The following VPS26A variants were observed in gnomAD, a reference collection of about 807,000 sequenced individuals.
VPS26A encodes the protein VPS26 retromer complex component A.
A neutral mutation model predicts 42.4 loss-of-function variants in VPS26A; 22 were observed. The ratio of observed to expected loss-of-function variants is 0.52; its 90% CI spans 0.37 to 0.74. VPS26A has a LOEUF of 0.74. Ranked by LOEUF, VPS26A falls within the 30% of genes least tolerant of loss-of-function variation. The pLI is 0.00. For missense variants in VPS26A, 276 were observed against 379.2 expected (o/e 0.73, Z 2.26); for synonymous variants, 110 against 123.5 (o/e 0.89, Z 0.73).
intron 2 of VPS26A, among the ~76,000 whole-genome samples, chr10:69,151,313 G>A (rs1258999909): frequency 4.7e-5 from 7 of 148,690 alleles, no homozygotes; most frequent in African/African-American, 1.8e-4. Flanking sequence ...AGCCGGGTGT[G>A]TGGTGGCAGT....
rs143151909 is a variant in VPS26A, at chr10:69,130,832, A to G, written c.4-2066A>G. ...GCCTCTTTCACTCAACATTATGTGT[A>G]TGAGATTCATTCTTGTGTGTAGTTG... On this transcript the variant is annotated intron_variant, in intron 1 of 8. Transcript: ENST00000263559. Among the ~76,000 whole-genome samples the G allele has an allele frequency of 4.0e-4, 61 of 152,300 alleles. No homozygotes were observed. In the East Asian group the frequency reaches 0.011, roughly 27 times the overall value.
At chr10:69,164,752 C>A (rs1841647387) in intron 6 of VPS26A, among the ~76,000 whole-genome samples, 1 of 152,050 alleles carries the variant, frequency 6.6e-6, no homozygotes, top group Admixed American at 6.5e-5. Context: ...GATTTTGTTT[C>A]ATTTTTAAAA....
chr10:69,151,271 A>AAAAAAAAAAAACAAC (rs1172174105), intron 2 of VPS26A, among the ~76,000 whole-genome samples: 12 of 67,000 alleles, frequency 1.8e-4, no homozygotes, highest in African/African-American at 5.8e-4. Flanking sequence ...TGTCAAAAAA[A>AAAAAAAAAAAACAAC]AAAAAAAAAA....
chr10:69,135,997 G>A (rs995075216), intron 2 of VPS26A, among the ~76,000 whole-genome samples: 3 of 151,924 alleles, frequency 2.0e-5, no homozygotes, highest in Non-Finnish European at 2.9e-5. Context: ...AATTTGGTAC[G>A]GTTTTTAAAT....
chr10:69,170,100 C>T (rs967153594), intron 8 of VPS26A: 1 of 152,114 alleles, frequency 6.6e-6, no homozygotes, highest in African/African-American at 2.4e-5. Flanking sequence ...TTACCCTGTC[C>T]TAAGTACTGT....
intron 2 of VPS26A, chr10:69,133,596 G>A (rs577114390): frequency 3.4e-4 from 432 of 1,289,390 alleles, no homozygotes; most frequent in Non-Finnish European, 4.2e-4. Flanking sequence ...TGTTTATGAC[G>A]CCTTCTATAA....
rs548554636 is a variant in VPS26A, at chr10:69,133,823, A to G, written c.153+776A>G. On this transcript the variant is annotated intron_variant, in intron 2 of 8. Transcript: ENST00000263559. ...CACCTCATCCTCTCTGGTAGCTGGG[A>G]CTACAGGCACACACCACCACTTCAG... Among the ~76,000 whole-genome samples, 87 of 152,160 alleles carry G rather than the reference A, an allele frequency of 5.7e-4. No homozygotes were observed. In the Middle Eastern group the frequency reaches 0.014, roughly 24 times the overall value.
chr10:69,133,153 G>A, intron 2 of VPS26A, 106 bp downstream of exon 2: 1 of 1,178,746 alleles, frequency 8.5e-7, no homozygotes, highest in Non-Finnish European at 1.2e-6. Context: ...GAGGGAGAGA[G>A]ATTTTTTTTT....
At chr10:69,128,861 T>C (rs1316570289) in intron 1 of VPS26A, among the ~76,000 whole-genome samples, 1 of 151,862 alleles carries the variant, frequency 6.6e-6, no homozygotes, top group Non-Finnish European at 1.5e-5. Flanking sequence ...CCAGGTGTTG[T>C]GGCTCACGCC....
chr10:69,124,307 G>T (rs531402462), intron 1 of VPS26A, 27 bp downstream of exon 1: 2 of 1,245,838 alleles, frequency 1.6e-6, no homozygotes, highest in Non-Finnish European at 2.0e-6. Flanking sequence ...CAGCGCGCTC[G>T]CCTCCCGCCC....
At chr10:69,134,301 T>A (rs1381883973) in intron 2 of VPS26A, among the ~76,000 whole-genome samples, 2 of 152,228 alleles carry the variant, frequency 1.3e-5, no homozygotes, top group African/African-American at 4.8e-5. Flanking sequence ...TTGTTTGATA[T>A]TTAAGCAGTT....
Position 69,173,436 on chromosome 10 carries a change from C to T in VPS26A, c.*2167C>T, listed in dbSNP as rs902603718. On this transcript the variant is annotated 3_prime_UTR_variant, in exon 9 of 9. Coordinates refer to ENST00000263559, the MANE Select transcript of VPS26A (RefSeq NM_004896.5). ...TGGAATTCGAGACCAGCCTGGCCAA[C>T]AAAAATGAGACCCTATCTCTACAAA... Among the ~76,000 whole-genome samples, 3 of 152,140 alleles carry T rather than the reference C, an allele frequency of 2.0e-5. No homozygotes were observed. The highest frequency in any genetic ancestry group is 2.9e-5 in the Non-Finnish European group (2 of 68,032).
At chr10:69,126,484 T>C (rs1461552259) in intron 1 of VPS26A, among the ~76,000 whole-genome samples, 1 of 150,860 alleles carries the variant, frequency 6.6e-6, no homozygotes, top group Admixed American at 6.6e-5. Context: ...GGAGAATCAA[T>C]TGAACCCGGG....
At chr10:69,133,923 G>A (rs1840848894) in intron 2 of VPS26A, among the ~76,000 whole-genome samples, 1 of 152,076 alleles carries the variant, frequency 6.6e-6, no homozygotes. Context: ...CTGGGCTCAA[G>A]CAACCCACCC....
chr10:69,173,738 G>A lies in VPS26A; in HGVS notation c.*2469G>A, dbSNP rs983223481. Among the ~76,000 whole-genome samples the A allele has an allele frequency of 2.6e-5, 4 of 152,122 alleles. No individual in the cohort carries two copies. The highest frequency in any genetic ancestry group is 9.7e-5 in the African/African-American group (4 of 41,430). ...AATCAGGCTGGGCACAGTGGCTCACGCCTGTAATCCCAGCACTTTGGGAGG... is the reference window on the plus strand; with the variant it reads ...AATCAGGCTGGGCACAGTGGCTCACACCTGTAATCCCAGCACTTTGGGAGG... On this transcript the variant is annotated 3_prime_UTR_variant, in exon 9 of 9. Coordinates refer to ENST00000263559, the MANE Select transcript of VPS26A (RefSeq NM_004896.5).
chr10:69,139,276 AT>A (rs772002654), intron 2 of VPS26A, among the ~76,000 whole-genome samples: 2 of 151,784 alleles, frequency 1.3e-5, no homozygotes, highest in African/African-American at 4.8e-5. Context: ...CTTGGCTTAC[AT>A]TTTTTTGAGT....
intron 2 of VPS26A, among the ~76,000 whole-genome samples, chr10:69,143,063 T>C (rs987084769): frequency 2.6e-5 from 4 of 152,148 alleles, no homozygotes; most frequent in Non-Finnish European, 4.4e-5. Flanking sequence ...GATTATTAAA[T>C]AGGTGATCAG....
intron 2 of VPS26A, among the ~76,000 whole-genome samples, chr10:69,133,317 T>C (rs538872720): frequency 2.0e-5 from 3 of 151,790 alleles, no homozygotes; most frequent in African/African-American, 7.3e-5. Flanking sequence ...AAAAAAAAAA[T>C]ATTTTTTTTT....
chr10:69,168,432 G>C (rs1229428750), intron 7 of VPS26A, 57 bp from the exon 8 acceptor site: 3 of 1,566,300 alleles, frequency 1.9e-6, no homozygotes, highest in Non-Finnish European at 2.6e-6. Context: ...AGTCCTACCT[G>C]TTATGTGACT....
Sources: gnomAD v4.1 joint callset for allele counts (sites outside exome capture counted in the v4.1 genomes callset) on GRCh38, gnomAD v4.1.1 for gene constraint, MANE v1.5 for transcripts, NCBI Gene and HGNC (gene_info 2026-07-23, HGNC 2026-07-21) for gene names.